Variants in EXTL3 observed in about 807,000 individuals in gnomAD.
EXTL3 encodes the protein exostosin like glycosyltransferase 3.
In EXTL3, 27 loss-of-function variants were observed where a neutral mutation model predicts 69.3. The observed-to-expected ratio is 0.39, with a 90% confidence interval of 0.29 to 0.54. The LOEUF is 0.54. Ranked by LOEUF, EXTL3 falls within the 20% of genes least tolerant of loss-of-function variation. EXTL3 has a pLI of 0.69. For missense variants in EXTL3, 1,003 were observed against 1,231.8 expected, an observed-to-expected ratio of 0.81 and a Z score of 2.78; for synonymous variants, 511 against 499.4, an observed-to-expected ratio of 1.02 and a Z score of -0.31.
At chr8:28,634,871 AG>A (rs1395054034) in intron 1 of EXTL3, among the ~76,000 whole-genome samples, 1 of 152,130 alleles carries the variant, frequency 6.6e-6, no homozygotes, top group Non-Finnish European at 1.5e-5. Context: ...CTGAGATTAC[AG>A]GGGTGAGCCA....
chr8:28,671,358 C>T (rs117849862), intron 1 of EXTL3, among the ~76,000 whole-genome samples: 2,704 of 136,550 alleles, frequency 0.02, 36 homozygotes, highest in Non-Finnish European at 0.027. Flanking sequence ...GTTGCCTAGG[C>T]TGGAGTGCAG....
At chr8:28,687,207 T>C (rs1172524391) in intron 1 of EXTL3, among the ~76,000 whole-genome samples, 1 of 152,254 alleles carries the variant, frequency 6.6e-6, no homozygotes, top group Non-Finnish European at 1.5e-5. Flanking sequence ...GGCTCACGCC[T>C]GTAATCCCAG....
intron 1 of EXTL3, among the ~76,000 whole-genome samples, chr8:28,703,856 C>T (rs1800864556): frequency 6.6e-6 from 1 of 152,106 alleles, no homozygotes; most frequent in African/African-American, 2.4e-5. Context: ...TTTTTGTTAC[C>T]CCTTCATTTC....
chr8:28,726,997 G>T (rs1442949928), intron 3 of EXTL3, among the ~76,000 whole-genome samples: 1 of 148,650 alleles, frequency 6.7e-6, no homozygotes, highest in African/African-American at 2.5e-5. Context: ...TCCTGCCTCA[G>T]CCTCCTGAGT....
intron 1 of EXTL3, among the ~76,000 whole-genome samples, chr8:28,666,226 TCTTTCTTG>T (rs1807194424): frequency 6.6e-6 from 1 of 152,280 alleles, no homozygotes; most frequent in South Asian, 2.1e-4. Flanking sequence ...TCCGGAAGGT[TCTTTCTTG>T]CTTTCTTGCT....
chr8:28,666,736 CA>C (rs1317977514), intron 1 of EXTL3, among the ~76,000 whole-genome samples: 4 of 152,148 alleles, frequency 2.6e-5, no homozygotes, highest in African/African-American at 9.7e-5. Context: ...CCACCACACC[CA>C]GCTAATTTTG....
intron 1 of EXTL3, among the ~76,000 whole-genome samples, chr8:28,664,929 C>T (rs915285035): frequency 2.1e-4 from 24 of 117,068 alleles, no homozygotes; most frequent in Admixed American, 1.5e-3. Flanking sequence ...TGATTTCCTC[C>T]CCTTCCTTCT....
Position 28,716,091 on chromosome 8 carries a change from G to T in EXTL3, c.32G>T (p.Gly11Val). MTGYTMLRNG[G>V]AGNGGQTCML... ...GGCTATACCATGCTGCGGAATGGGG[G>T]CGCGGGGAACGGAGGTCAGACCTGC... The change falls in exon 3 of 7, where the codon GGC (glycine) becomes GTC (valine). Residue 11 changes from glycine to valine, a missense_variant. This residue lies in a region of EXTL3 where 742 missense variants were observed against 815.4 expected (regional missense o/e 0.91). Transcript: ENST00000220562. The surrounding 1 kb of genome is among the most constrained non-coding windows in gnomAD (Gnocchi z 7.1). The T allele has an allele frequency of 6.2e-7, 1 of 1,611,128 alleles. No individual in the cohort carries two copies. The highest frequency in any genetic ancestry group is 8.5e-7 in the Non-Finnish European group (1 of 1,179,986).
upstream of EXTL3, among the ~76,000 whole-genome samples, chr8:28,618,952 C>T (rs1443037839): frequency 6.6e-6 from 1 of 151,284 alleles, no homozygotes; most frequent in East Asian, 1.9e-4. Context: ...ATTAGCCGGG[C>T]GTGGCAGCAC....
intron 1 of EXTL3, among the ~76,000 whole-genome samples, chr8:28,663,720 G>C (rs989973182): frequency 2.0e-5 from 3 of 152,134 alleles, no homozygotes; most frequent in Admixed American, 6.5e-5. Flanking sequence ...CCAAAGTGCT[G>C]GAATTACAGG....
chr8:28,734,070 G>A (rs1186535925), intron 4 of EXTL3, among the ~76,000 whole-genome samples: 3 of 148,452 alleles, frequency 2.0e-5, no homozygotes, highest in South Asian at 4.3e-4. Flanking sequence ...TGCCCGCCTC[G>A]GCCTCCCAAA....
rs114492261 is a variant in EXTL3 at position 28,707,564 on chromosome 8, T to G, written c.-569-5893T>G. 3.5e-3 allele frequency among the ~76,000 whole-genome samples: 528 copies of G among 152,386 alleles called. 7 individuals carry two copies. The highest frequency in any genetic ancestry group is 0.012 in the African/African-American group (501 of 41,588). Reference sequence around the variant, plus strand: ...TGTTTGTCTTCCTTAGCTGTCTATGTTGATTGAGCTGCCATCAATCTGAAT... The same window carrying G: ...TGTTTGTCTTCCTTAGCTGTCTATGGTGATTGAGCTGCCATCAATCTGAAT... On this transcript the variant is annotated intron_variant, in intron 1 of 6. Transcript: ENST00000220562.
chr8:28,625,997 CAAAAAAAA>C (rs67403576), intron 1 of EXTL3, among the ~76,000 whole-genome samples: 75 of 41,126 alleles, frequency 1.8e-3, no homozygotes, highest in African/African-American at 5.7e-3. Flanking sequence ...CACATTTCTC[CAAAAAAAA>C]AAAAAAAAAA....
chr8:28,695,509 C>T (rs988698838), intron 1 of EXTL3, among the ~76,000 whole-genome samples: 1 of 152,254 alleles, frequency 6.6e-6, no homozygotes, highest in South Asian at 2.1e-4. Flanking sequence ...TGAGGCTTCT[C>T]CATCTCTGGT....
At position 28,752,872 on chromosome 8, in the gene EXTL3, A is replaced by G. The variant is rs1375082886; in HGVS notation, c.*2006A>G. 6.5e-6 allele frequency: 1 copy of G among 152,722 alleles called. No homozygotes were observed. 9.5% of individuals were successfully genotyped at this position (152,722 alleles called of 1,614,324 possible). On this transcript the variant is annotated 3_prime_UTR_variant, in exon 7 of 7. Transcript: ENST00000220562. ...TGGTTTCTTTTAATGTGAGGAACTC[A>G]CATACTGACTTCAGTGGGACTCGGT...
chr8:28,617,563 T>C (rs1044138335), intron 2 of EXTL3, among the ~76,000 whole-genome samples: 1 of 152,110 alleles, frequency 6.6e-6, no homozygotes, highest in Non-Finnish European at 1.5e-5. Flanking sequence ...GGTGGATTGC[T>C]GGTGGAGCCC....
chr8:28,705,295 A>G (rs1466266742), intron 1 of EXTL3, among the ~76,000 whole-genome samples: 1 of 152,256 alleles, frequency 6.6e-6, no homozygotes, highest in African/African-American at 2.4e-5. Flanking sequence ...CAAGGAGCTT[A>G]TGAGTCAAGA....
intron 1 of EXTL3, among the ~76,000 whole-genome samples, chr8:28,706,885 A>G (rs1344974018): frequency 6.6e-6 from 1 of 151,722 alleles, no homozygotes; most frequent in East Asian, 1.9e-4. Flanking sequence ...ATTCTTATAT[A>G]GTCAAACCTG....
chr8:28,636,533 T>TGATTGCTC (rs1186895208), intron 1 of EXTL3, among the ~76,000 whole-genome samples: 71 of 152,280 alleles, frequency 4.7e-4, no homozygotes, highest in African/African-American at 1.7e-3. Flanking sequence ...TTGTTGTCTG[T>TGATTGCTC]AACTTTGATC....
Sources: gnomAD v4.1 joint callset for allele counts (sites outside exome capture counted in the v4.1 genomes callset) on GRCh38, gnomAD v4.1.1 for gene constraint, gnomAD v4.1.1 regional missense constraint, Gnocchi (gnomAD v3.1) non-coding constraint, MANE v1.5 for transcripts, NCBI Gene and HGNC (gene_info 2026-07-23, HGNC 2026-07-21) for gene names.